NBEA: variants seen among roughly 807,000 people sequenced by gnomAD.
NBEA encodes the protein lysosomal-trafficking regulator 2.
Under a neutral mutation model 343.4 loss-of-function variants are expected in NBEA, and 44 were observed. The ratio of observed to expected loss-of-function variants is 0.13; its 90% CI spans 0.10 to 0.16. The LOEUF is 0.16. Among genes scored for constraint, NBEA ranks in the 10% least tolerant of loss-of-function variants. The pLI is 1.00. For synonymous variants in NBEA, 1,175 were observed against 1,238.7 expected, an observed-to-expected ratio of 0.95 and a Z score of 1.08; for missense variants, 2,555 against 3,631.3, an observed-to-expected ratio of 0.70 and a Z score of 7.62.
intron 41 of NBEA, among the ~76,000 whole-genome samples, chr13:35,508,386 C>G (rs1422642447): frequency 6.6e-6 from 1 of 152,056 alleles, no homozygotes; most frequent in African/African-American, 2.4e-5. Flanking sequence ...TGGGAAGGTA[C>G]TATTAAGGTA....
At chr13:35,454,186 T>C (rs2046444199) in intron 40 of NBEA, among the ~76,000 whole-genome samples, 1 of 152,140 alleles carries the variant, frequency 6.6e-6, no homozygotes, top group African/African-American at 2.4e-5. Context: ...GGAAAAGAAG[T>C]AAGGGATGGG....
intron 38 of NBEA, among the ~76,000 whole-genome samples, chr13:35,353,304 G>A (rs556670484): frequency 3.9e-5 from 6 of 152,090 alleles, no homozygotes; most frequent in Admixed American, 3.3e-4. Context: ...GCGTGGTGGC[G>A]GGCACCTGTA....
rs143160523 is a variant in NBEA at position 35,114,609 on chromosome 13, C to T, written c.2003-2805C>T. ...CTCACTTGGCTCTGGCTCTGTAAGA[C>T]CCTGGGTATCACCAGGGCCTCTGCT... On this transcript the variant is annotated intron_variant, in intron 13 of 58. Transcript: ENST00000379939. 6.9e-3 allele frequency among the ~76,000 whole-genome samples: 1,051 copies of T among 152,158 alleles called. 4 individuals are homozygous for T. The highest frequency in any genetic ancestry group is 0.011 in the Non-Finnish European group (716 of 67,994).
chr13:35,435,555 G>A (rs2045383838), intron 39 of NBEA, among the ~76,000 whole-genome samples: 1 of 151,964 alleles, frequency 6.6e-6, no homozygotes, highest in Non-Finnish European at 1.5e-5. Flanking sequence ...GTGGGGTGGG[G>A]GGGGCGTGTA....
At chr13:35,082,284 A>G (rs914912849) in intron 10 of NBEA, among the ~76,000 whole-genome samples, 3 of 152,150 alleles carry the variant, frequency 2.0e-5, no homozygotes, top group African/African-American at 4.8e-5. Context: ...TCCATGGTGT[A>G]TATGTGCCAC....
intron 33 of NBEA, among the ~76,000 whole-genome samples, chr13:35,218,732 C>T (rs545920826): frequency 6.6e-6 from 1 of 151,806 alleles, no homozygotes; most frequent in African/African-American, 2.4e-5. Flanking sequence ...TTATCTTATG[C>T]TTTTTAAATA....
chr13:35,121,367 A>G (rs1012591385), intron 16 of NBEA, among the ~76,000 whole-genome samples: 1 of 152,034 alleles, frequency 6.6e-6, no homozygotes, highest in African/African-American at 2.4e-5. Context: ...TTGACCTCCT[A>G]AAGTGTTAGG....
intron 34 of NBEA, among the ~76,000 whole-genome samples, chr13:35,255,778 G>T (rs912293721): frequency 6.6e-6 from 1 of 152,248 alleles, no homozygotes; most frequent in Non-Finnish European, 1.5e-5. Context: ...GGTGAGCGGG[G>T]GTGGGAGGAT....
At chr13:35,569,018 G>C (rs908499913) in intron 45 of NBEA, among the ~76,000 whole-genome samples, 1 of 152,110 alleles carries the variant, frequency 6.6e-6, no homozygotes, top group African/African-American at 2.4e-5. Flanking sequence ...TGGAGTGGTG[G>C]ATGGGTTAAT....
At chr13:35,208,997 CT>C in intron 32 of NBEA, 143 bp downstream of exon 32, 2 of 741,758 alleles carry the variant, frequency 2.7e-6, no homozygotes, top group Non-Finnish European at 4.0e-6. Flanking sequence ...TATGTTATGA[CT>C]TTTAGAATTT....
chr13:35,148,907 G>A (rs2068600598), intron 18 of NBEA, among the ~76,000 whole-genome samples: 1 of 152,176 alleles, frequency 6.6e-6, no homozygotes, highest in Admixed American at 6.5e-5. Context: ...GAAACAGGTG[G>A]CAGGCTAGAT....
chr13:35,338,306 A>G (rs1326758035), intron 36 of NBEA, among the ~76,000 whole-genome samples: 2 of 152,030 alleles, frequency 1.3e-5, no homozygotes, highest in African/African-American at 4.8e-5. Context: ...AAAGATTATA[A>G]GGGAATACTT....
chr13:35,090,578 A>G (rs1352011150), intron 10 of NBEA, among the ~76,000 whole-genome samples: 2 of 151,914 alleles, frequency 1.3e-5, no homozygotes, highest in Non-Finnish European at 2.9e-5. Context: ...ATTAAACCTG[A>G]CTTTAACTGA....
chr13:34,965,193 C>G (rs557453408), intron 1 of NBEA, among the ~76,000 whole-genome samples: 1 of 151,960 alleles, frequency 6.6e-6, no homozygotes, highest in East Asian at 1.9e-4. Flanking sequence ...GGATGGTATG[C>G]CCAACTCTGA....
At chr13:35,197,216 T>A (rs1223623288) in intron 31 of NBEA, among the ~76,000 whole-genome samples, 1 of 152,160 alleles carries the variant, frequency 6.6e-6, no homozygotes, top group Admixed American at 6.5e-5. Context: ...AACTGAAAAA[T>A]GTGATGGCTT....
chr13:35,425,247 A>T (rs983301243), intron 38 of NBEA, among the ~76,000 whole-genome samples: 2 of 151,992 alleles, frequency 1.3e-5, no homozygotes, highest in South Asian at 4.1e-4. Flanking sequence ...TTAGGGTGTC[A>T]ATTTTAAATC....
chr13:35,286,870 C>T (rs2035459291), intron 34 of NBEA, among the ~76,000 whole-genome samples: 1 of 151,846 alleles, frequency 6.6e-6, no homozygotes, highest in Admixed American at 6.6e-5. Flanking sequence ...TCAGTGTGAA[C>T]CCAAAAGAAC....
At chr13:35,471,101 G>C (rs1013332286) in intron 40 of NBEA, among the ~76,000 whole-genome samples, 6 of 152,204 alleles carry the variant, frequency 3.9e-5, no homozygotes, top group African/African-American at 1.4e-4. Context: ...AGGGCTGAAA[G>C]CTGACACTGT....
At position 35,593,399 on chromosome 13, in the gene NBEA, C is replaced by G. The variant is rs370660416; in HGVS notation, c.7248C>G (p.Ser2416=). Residue 2416 remains serine (S), a synonymous_variant, in exon 47 of 59, where the codon TCC becomes TCG. Coordinates refer to ENST00000379939, the MANE Select transcript of NBEA (RefSeq NM_001385012.1). ...ATCATCCAGATCGAACCTTCTCATC[C>G]GTTGCAAGGTCTTGGAGAACTAGTC... ...KFDHPDRTFS[S]VARSWRTSQR... 2 of 1,611,884 alleles carry G rather than the reference C, an allele frequency of 1.2e-6. No homozygotes were observed. The highest frequency in any genetic ancestry group is 1.7e-6 in the Non-Finnish European group (2 of 1,178,306).
Sources: gnomAD v4.1 joint callset for allele counts (sites outside exome capture counted in the v4.1 genomes callset) on GRCh38, gnomAD v4.1.1 for gene constraint, MANE v1.5 for transcripts, NCBI Gene and HGNC (gene_info 2026-07-23, HGNC 2026-07-21) for gene names.